PLPPR1: variants seen among roughly 807,000 people sequenced by gnomAD.
PLPPR1 encodes phospholipid phosphatase related 1.
In PLPPR1, 10 loss-of-function variants were observed where a neutral mutation model predicts 33.1. The ratio of observed to expected loss-of-function variants is 0.30; its 90% confidence interval spans 0.19 to 0.51. PLPPR1 has a LOEUF of 0.51. Ranked by LOEUF, PLPPR1 falls within the 20% of genes least tolerant of loss-of-function variation. PLPPR1 has a pLI of 0.97. For synonymous variants in PLPPR1, 151 were observed against 151.0 expected (o/e 1.00, Z 0.00); for missense variants, 304 against 408.1 (o/e 0.74, Z 2.20).
chr9:101,159,137 C>A (rs1222564115), intron 1 of PLPPR1, among the ~76,000 whole-genome samples: 2 of 152,080 alleles, frequency 1.3e-5, no homozygotes, highest in African/African-American at 4.8e-5. Flanking sequence ...AGTAGAAGCT[C>A]TTATTTGATT....
chr9:101,308,866 T>C (rs2118953566), intron 4 of PLPPR1, among the ~76,000 whole-genome samples: 1 of 152,326 alleles, frequency 6.6e-6, no homozygotes, highest in South Asian at 2.1e-4. Flanking sequence ...CTACTCCATT[T>C]TGCAGCAAAG....
intron 2 of PLPPR1, among the ~76,000 whole-genome samples, chr9:101,241,919 A>G (rs1022566449): frequency 6.6e-6 from 1 of 152,082 alleles, no homozygotes; most frequent in African/African-American, 2.4e-5. Context: ...AAATGTAATC[A>G]TTTATTTTTT....
At chr9:101,270,183 C>A in intron 3 of PLPPR1, 115 bp downstream of exon 3, 1 of 1,080,030 alleles carries the variant, frequency 9.3e-7, no homozygotes, top group East Asian at 2.6e-5. Flanking sequence ...TTATCAGTGG[C>A]ATCCTATTTC....
At chr9:101,071,715 A>T (rs7023200) in intron 1 of PLPPR1, among the ~76,000 whole-genome samples, 5,910 of 152,250 alleles carry the variant, frequency 0.039, 174 homozygotes, top group East Asian at 0.081. Context: ...GTGGAGCTTA[A>T]AAAGAAATAT....
intron 1 of PLPPR1, among the ~76,000 whole-genome samples, chr9:101,060,236 A>G (rs2118464331): frequency 6.6e-6 from 1 of 152,174 alleles, no homozygotes; most frequent in Middle Eastern, 3.4e-3. Flanking sequence ...GACAAATACC[A>G]AATGATTTCA....
chr9:101,114,541 T>C (rs1831096486), intron 1 of PLPPR1, among the ~76,000 whole-genome samples: 1 of 152,118 alleles, frequency 6.6e-6, no homozygotes, highest in Non-Finnish European at 1.5e-5. Flanking sequence ...CAGACCTCAC[T>C]CTCCTTTCTT....
At chr9:101,118,916 T>G (rs1027229441) in intron 1 of PLPPR1, among the ~76,000 whole-genome samples, 14 of 152,192 alleles carry the variant, frequency 9.2e-5, no homozygotes, top group Non-Finnish European at 1.8e-4. Context: ...TGTTTGTTTT[T>G]TAAGACAAAG....
At chr9:101,114,777 C>A (rs1173270232) in intron 1 of PLPPR1, among the ~76,000 whole-genome samples, 7 of 152,108 alleles carry the variant, frequency 4.6e-5, no homozygotes, top group Non-Finnish European at 1.0e-4. Flanking sequence ...TAGAGCTGGT[C>A]CCAATTTAAT....
At chr9:101,040,036 C>T in intron 1 of PLPPR1, among the ~76,000 whole-genome samples, 1 of 151,832 alleles carries the variant, frequency 6.6e-6, no homozygotes, top group East Asian at 1.9e-4. Context: ...GATCCATGAA[C>T]TGTAGAATTC....
At chr9:101,246,464 G>C (rs558742707) in intron 2 of PLPPR1, among the ~76,000 whole-genome samples, 1 of 152,068 alleles carries the variant, frequency 6.6e-6, no homozygotes, top group South Asian at 2.1e-4. Context: ...ATAGTTCTGA[G>C]CTCTTCAGGT....
intron 1 of PLPPR1, among the ~76,000 whole-genome samples, chr9:101,040,129 TTGTC>T (rs1417109694): frequency 6.6e-6 from 1 of 152,136 alleles, no homozygotes; most frequent in Admixed American, 6.6e-5. Context: ...TCAGCCCTCT[TTGTC>T]TGCATGATTT....
At chr9:101,262,466 A>G (rs1827917909) in intron 2 of PLPPR1, among the ~76,000 whole-genome samples, 1 of 152,212 alleles carries the variant, frequency 6.6e-6, no homozygotes, top group Non-Finnish European at 1.5e-5. Flanking sequence ...TTAAGTTGAT[A>G]TGAGGTCTCA....
chr9:101,141,564 A>G lies in PLPPR1; in HGVS notation c.-45-43886A>G, dbSNP rs562712709. Reference sequence around the variant, plus strand: ...AATAATGGTGAATTTTTCCTAACATATGATAAGCAGGAGGATTCTATGTTG... The same window carrying G: ...AATAATGGTGAATTTTTCCTAACATGTGATAAGCAGGAGGATTCTATGTTG... On this transcript the variant is annotated intron_variant, in intron 1 of 7. Transcript: ENST00000374874. Among the ~76,000 whole-genome samples the G allele has an allele frequency of 1.3e-3, 199 of 152,332 alleles. 2 individuals carry two copies. Among genetic ancestry groups the G allele is most frequent in the African/African-American group, 4.1e-3 (172 of 41,588 alleles).
intron 2 of PLPPR1, among the ~76,000 whole-genome samples, chr9:101,203,747 A>ATATATAGATATGTTATATATCTATCTATC (rs1314672428): frequency 2.0e-5 from 3 of 151,428 alleles, no homozygotes; most frequent in African/African-American, 4.8e-5. Context: ...ATCTATCTAT[A>ATATATAGATATGTTATATATCTATCTATC]TATATAGACA....
intron 1 of PLPPR1, among the ~76,000 whole-genome samples, chr9:101,095,137 T>C (rs1830800294): frequency 6.6e-6 from 1 of 152,224 alleles, no homozygotes; most frequent in African/African-American, 2.4e-5. Context: ...ATTAGTACCA[T>C]GTTTTCCAAG....
intron 1 of PLPPR1, among the ~76,000 whole-genome samples, chr9:101,088,194 G>A (rs185191798): frequency 7.9e-5 from 12 of 152,162 alleles, no homozygotes. Context: ...CTGATAAAAC[G>A]GTGCAGGTAT....
At chr9:101,059,229 A>G (rs1482160644) in intron 1 of PLPPR1, among the ~76,000 whole-genome samples, 1 of 152,128 alleles carries the variant, frequency 6.6e-6, no homozygotes, top group African/African-American at 2.4e-5. Flanking sequence ...TTTGAATATC[A>G]AAGAATTTGC....
chr9:101,198,336 A>C (rs1336833998), intron 2 of PLPPR1, among the ~76,000 whole-genome samples: 1 of 152,186 alleles, frequency 6.6e-6, no homozygotes, highest in African/African-American at 2.4e-5. Context: ...TCACTTATGC[A>C]AATCCCTCGT....
Position 101,089,325 on chromosome 9 carries a change from A to ATAGT in PLPPR1, c.-46+60226_-46+60227insTTAG, listed in dbSNP as rs575195137. On this transcript the variant is annotated intron_variant, in intron 1 of 7. Coordinates refer to ENST00000374874, the MANE Select transcript of PLPPR1 (RefSeq NM_207299.2). ...GATAGATAGATAGATAGATAGATAGATAGATAGTAGTTAATTGTTGTTAAC... is the reference window on the plus strand; with the variant it reads ...GATAGATAGATAGATAGATAGATAGATAGTTAGATAGTAGTTAATTGTTGTTAAC... Among the ~76,000 whole-genome samples the ATAGT allele has an allele frequency of 5.1e-4, 78 of 152,126 alleles. 1 individual carries two copies. In the East Asian group the frequency reaches 9.9e-3, roughly 19 times the overall value.
Sources: allele counts gnomAD v4.1 joint callset (sites outside exome capture counted in the v4.1 genomes callset), GRCh38; gene constraint gnomAD v4.1.1; transcripts MANE v1.5; gene names NCBI Gene and HGNC (gene_info 2026-07-23, HGNC 2026-07-21).